The following XPO6 variants were observed in gnomAD, a reference collection of about 807,000 sequenced individuals.
The protein encoded by XPO6 is exportin 6.
A neutral mutation model predicts 130.0 loss-of-function variants in XPO6; 3 were observed. The ratio of observed to expected loss-of-function variants is 0.02; its 90% CI spans 0.01 to 0.06. The LOEUF (loss-of-function observed/expected upper bound fraction) is 0.06, where lower values mean the gene tolerates loss of function less well. Among genes scored for constraint, XPO6 ranks in the 10% least tolerant of loss-of-function variants. XPO6 has a pLI of 1.00. For missense variants in XPO6, 970 were observed against 1,393.0 expected, an observed-to-expected ratio of 0.70 and a Z score of 4.83; for synonymous variants, 524 against 548.9, an observed-to-expected ratio of 0.95 and a Z score of 0.63.
chr16:28,160,143 C>T (rs1020666980), intron 6 of XPO6, among the ~76,000 whole-genome samples: 1 of 140,360 alleles, frequency 7.1e-6, no homozygotes, highest in Non-Finnish European at 1.5e-5. Context: ...AGAGATTGCA[C>T]CACTGCACTC....
chr16:28,195,910 A>G (rs989992496), intron 1 of XPO6, among the ~76,000 whole-genome samples: 8 of 152,184 alleles, frequency 5.3e-5, no homozygotes, highest in African/African-American at 1.4e-4. Context: ...ACAAACATTC[A>G]TTCTTTAGGC....
chr16:28,146,083 G>A lies in XPO6; in HGVS notation c.1334+11C>T. 1.3e-6 allele frequency: 2 copies of A among 1,592,870 alleles called. No individual in the cohort carries two copies. The highest frequency in any genetic ancestry group is 1.7e-6 in the Non-Finnish European group (2 of 1,161,166). ...TGACCATATCTAGTTTTCAGTGTTT[G>A]AGGAGTTTACCTGTTGAGAACTGCT... On this transcript the variant is annotated intron_variant, in intron 9 of 23. Transcript: ENST00000304658.
Position 28,106,965 on chromosome 16 carries a change from T to C in XPO6, c.2498-468A>G, listed in dbSNP as rs1236508204. ...GCATGGCCCTGGTCCATTAAATGGA[T>C]TAATTGCAGAAAATACTGGTTACAT... On this transcript the variant is annotated intron_variant, in intron 18 of 23. Transcript: ENST00000304658. The surrounding 1 kb of genome is among the most constrained non-coding windows in gnomAD (Gnocchi z 4.2). 6.6e-6 allele frequency among the ~76,000 whole-genome samples: 1 copy of C among 152,188 alleles called. No individual in the cohort carries two copies. The highest frequency in any genetic ancestry group is 2.4e-5 in the African/African-American group (1 of 41,440).
chr16:28,126,215 C>T (rs927826977), intron 12 of XPO6, among the ~76,000 whole-genome samples: 2 of 152,224 alleles, frequency 1.3e-5, no homozygotes, highest in East Asian at 1.9e-4. Context: ...TTGCCAAGCA[C>T]GTGTCACATT....
rs2086647830 is a variant in XPO6, at chr16:28,101,187, C to T, written c.3276+271G>A. ...CTGGGTATGAACAAAGATGCCAAGA[C>T]AAATGGAGGGGCTGCAGAGCCAGGA... On this transcript the variant is annotated intron_variant, in intron 23 of 23. Coordinates refer to ENST00000304658, the MANE Select transcript of XPO6 (RefSeq NM_015171.4). The surrounding 1 kb of genome is among the most constrained non-coding windows in gnomAD (Gnocchi z 5.4). 1 of 534,398 alleles carries T rather than the reference C, an allele frequency of 1.9e-6. No homozygotes were observed. Among genetic ancestry groups the T allele is most frequent in the Admixed American group, 3.1e-5 (1 of 32,636 alleles). The allele number at this position is 534,398 out of a possible 1,614,324, so 33.1% of individuals were successfully genotyped here. A position where few individuals can be genotyped will look rare whatever the true frequency, so the allele number is the denominator to read the frequency against.
At chr16:28,124,355 G>A (rs1014888835) in intron 13 of XPO6, among the ~76,000 whole-genome samples, 8 of 152,162 alleles carry the variant, frequency 5.3e-5, no homozygotes, top group Admixed American at 3.3e-4. Flanking sequence ...ACTGCGCCCC[G>A]CCAACTGAAC....
At chr16:28,197,644 C>T (rs980457696) in intron 1 of XPO6, among the ~76,000 whole-genome samples, 1 of 151,912 alleles carries the variant, frequency 6.6e-6, no homozygotes, top group Non-Finnish European at 1.5e-5. Flanking sequence ...AGGCCGGGCG[C>T]GGTGGCTCAC....
chr16:28,111,709 G>T, intron 17 of XPO6, 108 bp downstream of exon 17: 1 of 1,321,218 alleles, frequency 7.6e-7, no homozygotes, highest in South Asian at 1.5e-5. Context: ...GTGGGACTAT[G>T]AACAAAAAAA....
At chr16:28,169,061 C>A (rs2043408129) in intron 5 of XPO6, among the ~76,000 whole-genome samples, 2 of 152,202 alleles carry the variant, frequency 1.3e-5, no homozygotes, top group Admixed American at 6.5e-5. Context: ...CTTTTCACTA[C>A]AAGATTCCCT....
intron 1 of XPO6, among the ~76,000 whole-genome samples, chr16:28,204,625 G>C (rs1567653699): frequency 1.3e-5 from 2 of 152,170 alleles, no homozygotes; most frequent in South Asian, 4.1e-4. Context: ...GAGCTGAGGA[G>C]AGAGATGTTG....
chr16:28,135,188 A>C, intron 10 of XPO6, 28 bp downstream of exon 10: 1 of 1,578,560 alleles, frequency 6.3e-7, no homozygotes, highest in Non-Finnish European at 8.6e-7. Context: ...TGACAGCGAC[A>C]AAAAATCAAT....
intron 1 of XPO6, among the ~76,000 whole-genome samples, chr16:28,190,438 G>T (rs2043768292): frequency 6.6e-6 from 1 of 152,046 alleles, no homozygotes; most frequent in Non-Finnish European, 1.5e-5. Context: ...GGCCAGGCTG[G>T]TCTTGAACTC....
chr16:28,107,451 T>C, intron 18 of XPO6, 71 bp downstream of exon 18: 1 of 1,567,202 alleles, frequency 6.4e-7, no homozygotes, highest in South Asian at 1.1e-5. Context: ...CAGTGTGTTC[T>C]ACAGATCTAA....
intron 15 of XPO6, among the ~76,000 whole-genome samples, 195 bp from the exon 16 acceptor site, chr16:28,113,245 C>G (rs762065552): frequency 6.6e-6 from 1 of 152,122 alleles, no homozygotes; most frequent in Admixed American, 6.5e-5. Flanking sequence ...CAGCTCCTGC[C>G]GCAGCCATTA....
At chr16:28,209,344 CTT>C (rs1280431037) in intron 1 of XPO6, among the ~76,000 whole-genome samples, 1 of 151,946 alleles carries the variant, frequency 6.6e-6, no homozygotes, top group African/African-American at 2.4e-5. Flanking sequence ...AAAAACAAAA[CTT>C]AAGTATATTG....
At chr16:28,130,543 A>C (rs1007930471) in intron 12 of XPO6, among the ~76,000 whole-genome samples, 5 of 152,210 alleles carry the variant, frequency 3.3e-5, no homozygotes, top group Non-Finnish European at 7.3e-5. Context: ...GCCACCAAAA[A>C]TTGGGGAATG....
At chr16:28,182,847 G>A (rs187209956) in intron 1 of XPO6, among the ~76,000 whole-genome samples, 81 of 152,072 alleles carry the variant, frequency 5.3e-4, no homozygotes, top group African/African-American at 1.7e-3. Context: ...AAAGAACGCC[G>A]TAGTCTGTTT....
rs2042685891 is a variant in XPO6 at position 28,132,250 on chromosome 16, C to T, written c.1606+84G>A. 4.7e-6 allele frequency: 5 copies of T among 1,059,368 alleles called. No homozygotes were observed. In the South Asian group the frequency reaches 5.8e-5, roughly 12 times the overall value. The allele number at this position is 1,059,368 out of a possible 1,614,324, so 65.6% of individuals were successfully genotyped here. On this transcript the variant is annotated intron_variant, in intron 12 of 23. Coordinates refer to ENST00000304658, the MANE Select transcript of XPO6 (RefSeq NM_015171.4). The surrounding 1 kb of genome is among the most constrained non-coding windows in gnomAD (Gnocchi z 4.0). ...AGGCTGCAGTGAAGAAATCATGTTC[C>T]GACAGCAACGGCAGCAGTAATGAAA...
chr16:28,208,016 C>CGTAATGGCAG (rs111642678), intron 1 of XPO6, among the ~76,000 whole-genome samples: 151,085 of 151,738 alleles, frequency 1, 75,225 homozygotes, highest in Middle Eastern at 1. Context: ...ACTAGCTGGG[C>CGTAATGGCAG]GTGCCTGTAA....
Sources: gnomAD v4.1 joint callset for allele counts (sites outside exome capture counted in the v4.1 genomes callset) on GRCh38, gnomAD v4.1.1 for gene constraint, Gnocchi (gnomAD v3.1) non-coding constraint, MANE v1.5 for transcripts, NCBI Gene and HGNC (gene_info 2026-07-23, HGNC 2026-07-21) for gene names.